EPHB2: variants seen among roughly 807,000 people sequenced by gnomAD.
The protein encoded by EPHB2 is ephrin type-B receptor 2.
Under a neutral mutation model 96.4 loss-of-function variants are expected in EPHB2, and 18 were observed. The observed-to-expected ratio is 0.19, with a 90% CI of 0.13 to 0.28. The LOEUF is 0.28. EPHB2 is among the 10% of genes least tolerant of loss of function. The pLI is 1.00. For synonymous variants in EPHB2, 506 were observed against 534.1 expected (o/e 0.95, Z 0.72); for missense variants, 989 against 1,355.4 (o/e 0.73, Z 4.25).
At chr1:22,796,770 C>A (rs1354502520) in intron 3 of EPHB2, among the ~76,000 whole-genome samples, 1 of 152,210 alleles carries the variant, frequency 6.6e-6, no homozygotes, top group African/African-American at 2.4e-5. Context: ...AGGCTCTTAT[C>A]AATTGGGTGC....
chr1:22,913,722 T>A lies in EPHB2; in HGVS notation c.*152T>A, dbSNP rs749285634. On this transcript the variant is annotated 3_prime_UTR_variant, in exon 16 of 16. Coordinates refer to ENST00000374630, the MANE Select transcript of EPHB2 (RefSeq NM_017449.5). This position sits in a 1 kb window ranked among gnomAD's most constrained non-coding sequence, Gnocchi z 4.1. ...ACCAAGCGGTGCCAGCCACGAGACGTCACCAAGAAAACATGCAACTCAAAC... is the reference window on the plus strand; with the variant it reads ...ACCAAGCGGTGCCAGCCACGAGACGACACCAAGAAAACATGCAACTCAAAC... 6.2e-7 allele frequency: 1 copy of A among 1,600,876 alleles called. No individual in the cohort carries two copies. The highest frequency in any genetic ancestry group is 1.7e-5 in the Admixed American group (1 of 57,348).
At chr1:22,775,127 GT>G in intron 1 of EPHB2, 1 of 770,670 alleles carries the variant, frequency 1.3e-6, no homozygotes, top group Non-Finnish European at 2.4e-6. Flanking sequence ...TGATGACTTT[GT>G]TGTTTTGTGT....
At chr1:22,720,334 G>A (rs922395340) in intron 1 of EPHB2, among the ~76,000 whole-genome samples, 25 of 152,184 alleles carry the variant, frequency 1.6e-4, no homozygotes, top group African/African-American at 5.6e-4. Context: ...TATCCTTGAA[G>A]AGAAGTCCCA....
intron 5 of EPHB2, among the ~76,000 whole-genome samples, chr1:22,870,064 T>C (rs914802543): frequency 2.0e-5 from 3 of 152,152 alleles, no homozygotes; most frequent in Non-Finnish European, 4.4e-5. Flanking sequence ...GGGGACTCAA[T>C]TTCCAGACAA....
chr1:22,805,647 G>T (rs145357392), intron 3 of EPHB2, among the ~76,000 whole-genome samples: 1 of 152,208 alleles, frequency 6.6e-6, no homozygotes, highest in Non-Finnish European at 1.5e-5. Flanking sequence ...AGCAAGGAGC[G>T]GGTGGGGGTG....
chr1:22,711,852 G>A (rs528972520), intron 1 of EPHB2, among the ~76,000 whole-genome samples: 20 of 152,188 alleles, frequency 1.3e-4, no homozygotes, highest in Non-Finnish European at 2.2e-4. Context: ...CCGTGGCCTC[G>A]TGTATTGGTA....
At chr1:22,848,170 G>T (rs569817548) in intron 3 of EPHB2, among the ~76,000 whole-genome samples, 4 of 152,290 alleles carry the variant, frequency 2.6e-5, no homozygotes, top group African/African-American at 9.6e-5. Flanking sequence ...GTCCAGGAGG[G>T]CTTAGATTTG....
chr1:22,838,756 G>A (rs373008450), intron 3 of EPHB2, among the ~76,000 whole-genome samples: 10 of 151,978 alleles, frequency 6.6e-5, no homozygotes, highest in South Asian at 2.1e-4. Flanking sequence ...GTGAAACCCC[G>A]TCTCTACTAA....
At chr1:22,772,440 A>G (rs898470407) in intron 1 of EPHB2, among the ~76,000 whole-genome samples, 1 of 152,206 alleles carries the variant, frequency 6.6e-6, no homozygotes, top group African/African-American at 2.4e-5. Flanking sequence ...GAAGGATTTT[A>G]CATTAGCTGG....
At chr1:22,775,083 C>A in intron 1 of EPHB2, 1 of 715,398 alleles carries the variant, frequency 1.4e-6, no homozygotes, top group Non-Finnish European at 2.6e-6. Flanking sequence ...CAGGCCCATG[C>A]AGAGAGAGAA....
intron 2 of EPHB2, among the ~76,000 whole-genome samples, chr1:22,783,645 A>C (rs1203785404): frequency 6.6e-6 from 1 of 152,102 alleles, no homozygotes; most frequent in Admixed American, 6.5e-5. Flanking sequence ...TGAGGAGATA[A>C]CCCGGGCCCT....
intron 1 of EPHB2, among the ~76,000 whole-genome samples, chr1:22,753,646 C>G (rs1644099401): frequency 6.6e-6 from 1 of 152,140 alleles, no homozygotes; most frequent in Non-Finnish European, 1.5e-5. Context: ...TTTGGCTGTG[C>G]CCAGGCTGCC....
chr1:22,912,468 C>A lies in EPHB2; in HGVS notation c.2721C>A (p.Arg907=). 1 of 1,614,110 alleles carries A rather than the reference C, an allele frequency of 6.2e-7. No homozygotes were observed. The highest frequency in any genetic ancestry group is 8.5e-7 in the Non-Finnish European group (1 of 1,180,034). Residue 907 remains arginine (R), a synonymous_variant, in exon 15 of 16, where the codon CGC becomes CGA. Coordinates refer to ENST00000374630, the MANE Select transcript of EPHB2 (RefSeq NM_017449.5). Reference sequence around the variant, plus strand: ...GCATCAACCTGCCGCTGCTGGACCGCACGATCCCCGACTACACCAGCTTTA... The same window carrying A: ...GCATCAACCTGCCGCTGCTGGACCGAACGATCCCCGACTACACCAGCTTTA... The part of the protein sequence containing the change: ...SSGINLPLLD[R]TIPDYTSFNT...
intron 3 of EPHB2, among the ~76,000 whole-genome samples, chr1:22,802,636 C>T (rs1340287660): frequency 6.6e-6 from 1 of 152,044 alleles, no homozygotes; most frequent in Admixed American, 6.5e-5. Flanking sequence ...GATGTCTCAT[C>T]CCCCTGTCCA....
Position 22,913,383 on chromosome 1 carries a change from G to A in EPHB2, c.2853-79G>A. Reference sequence around the variant, plus strand: ...CTTGCTTTGCCATCTTCCTCCCGGGGAAGCCCAGGCAGCTCTCTACCAGGC... The same window carrying A: ...CTTGCTTTGCCATCTTCCTCCCGGGAAAGCCCAGGCAGCTCTCTACCAGGC... On this transcript the variant is annotated intron_variant, in intron 15 of 15. Transcript: ENST00000374630. This position sits in a 1 kb window ranked among gnomAD's most constrained non-coding sequence, Gnocchi z 4.1. The A allele has an allele frequency of 1.3e-6, 2 of 1,563,340 alleles. No homozygotes were observed. The highest frequency in any genetic ancestry group is 8.7e-7 in the Non-Finnish European group (1 of 1,149,970).
rs753050736 is a variant in EPHB2 at position 22,906,089 on chromosome 1, T to C, written c.1868T>C (p.Ile623Thr). 5 of 1,614,176 alleles carry C rather than the reference T, an allele frequency of 3.1e-6. No homozygotes were observed. The highest frequency in any genetic ancestry group is 4.2e-6 in the Non-Finnish European group (5 of 1,180,032). Residue 623 changes from isoleucine to threonine, a missense_variant, in exon 10 of 16, where the codon ATT (isoleucine) becomes ACT (threonine). Physicochemically the swap from Ile to Thr is moderately conservative, Grantham distance 89. Coordinates refer to ENST00000374630, the MANE Select transcript of EPHB2 (RefSeq NM_017449.5). This position sits in a 1 kb window ranked among gnomAD's most constrained non-coding sequence, Gnocchi z 4.8. Reference protein sequence around the residue: ...AKEIDISCVKIEQVIGAGEFG... With the variant: ...AKEIDISCVKTEQVIGAGEFG... ...GAAATTGACATCTCCTGTGTCAAAA[T>C]TGAGCAGGTGATCGGAGCAGGTAGG... is the stretch of plus-strand genomic sequence containing the variant.
chr1:22,736,785 G>A (rs2148359254), intron 1 of EPHB2, among the ~76,000 whole-genome samples: 1 of 152,340 alleles, frequency 6.6e-6, no homozygotes, highest in African/African-American at 2.4e-5. Context: ...CGCACTGTGG[G>A]GCGGCCGCAG....
At chr1:22,742,796 C>CTAAG (rs1276646856) in intron 1 of EPHB2, among the ~76,000 whole-genome samples, 4 of 152,016 alleles carry the variant, frequency 2.6e-5, no homozygotes, top group African/African-American at 4.8e-5. Flanking sequence ...ACTTTCTTTT[C>CTAAG]TAAGTGCTTT....
intron 3 of EPHB2, among the ~76,000 whole-genome samples, chr1:22,843,179 C>G (rs1645493829): frequency 6.6e-6 from 1 of 152,196 alleles, no homozygotes; most frequent in African/African-American, 2.4e-5. Context: ...ACTGTAACCT[C>G]ATTTTGTCCT....
Sources: allele counts gnomAD v4.1 joint callset (sites outside exome capture counted in the v4.1 genomes callset), GRCh38; gene constraint gnomAD v4.1.1; non-coding constraint Gnocchi (gnomAD v3.1); transcripts MANE v1.5; gene names NCBI Gene and HGNC (gene_info 2026-07-23, HGNC 2026-07-21).